Variants in ZNF528 observed in about 807,000 individuals in gnomAD.
ZNF528 encodes zinc finger protein 528.
Under a neutral mutation model 13.3 loss-of-function variants are expected in ZNF528, and 9 were observed. The ratio of observed to expected loss-of-function variants is 0.67; its 90% confidence interval spans 0.41 to 1.18. ZNF528 has a LOEUF of 1.18. ZNF528 is among the 50% of genes most tolerant of loss of function. The pLI is 0.01. For missense variants in ZNF528, 858 were observed against 745.4 expected, an observed-to-expected ratio of 1.15 and a Z score of -1.76; for synonymous variants, 264 against 254.3, an observed-to-expected ratio of 1.04 and a Z score of -0.36.
At position 52,416,005 on chromosome 19, in the gene ZNF528, G is replaced by C. The variant is rs1374125584; in HGVS notation, c.1153G>C (p.Glu385Gln). 1.2e-6 allele frequency: 2 copies of C among 1,613,976 alleles called. No homozygotes were observed. Among genetic ancestry groups the C allele is most frequent in the African/African-American group, 1.3e-5 (1 of 74,916 alleles). Residue 385 changes from glutamate to glutamine, a missense_variant, in exon 7 of 7, where the codon GAA becomes CAA. Transcript: ENST00000360465. The stretch of plus-strand genomic sequence containing the variant: ...TGGAAGGAAACCTTACAAATGTAAA[G>C]AATGTGACAAGGTCTTTGGGCGCAA... Reference protein sequence around the residue: ...HTGRKPYKCKECDKVFGRKCF... With the variant: ...HTGRKPYKCKQCDKVFGRKCF...
At chr19:52,402,867 A>T (rs1464430185) in intron 4 of ZNF528, among the ~76,000 whole-genome samples, 1 of 152,228 alleles carries the variant, frequency 6.6e-6, no homozygotes, top group African/African-American at 2.4e-5. Context: ...ATTTTAATGG[A>T]CGAAGCTTCA....
chr19:52,411,858 T>C (rs1431664908), intron 6 of ZNF528: 1 of 152,224 alleles, frequency 6.6e-6, no homozygotes, highest in Non-Finnish European at 1.5e-5. Flanking sequence ...CTCCACCCCA[T>C]AAATTGATGG....
chr19:52,415,409 A>G lies in ZNF528; in HGVS notation c.557A>G (p.Tyr186Cys). ...EQKAHIREKAYKCNEHGQVFR... is the reference protein window; with the variant it reads ...EQKAHIREKACKCNEHGQVFR... ...AAAGCACACATTAGGGAAAAAGCTT[A>G]TAAATGTAATGAGCACGGCCAAGTC... Residue 186 changes from tyrosine to cysteine, a missense_variant, in exon 7 of 7, where the codon TAT (tyrosine) becomes TGT (cysteine). Physicochemically the swap from Tyr to Cys is radical, Grantham distance 194. Coordinates refer to ENST00000360465, the MANE Select transcript of ZNF528 (RefSeq NM_032423.3). 6.2e-7 allele frequency: 1 copy of G among 1,614,228 alleles called. No homozygotes were observed. The highest frequency in any genetic ancestry group is 8.5e-7 in the Non-Finnish European group (1 of 1,180,048).
At position 52,401,765 on chromosome 19, in the gene ZNF528, A is replaced by C. The variant is rs746418962; in HGVS notation, c.-68+12A>C. ...ACTCAACAGACGAGGTACCTTAACC[A>C]CATAATGGTTGATTTCCAAAATTAT... On this transcript the variant is annotated intron_variant, in intron 3 of 6. Transcript: ENST00000360465. 1 of 1,488,854 alleles carries C rather than the reference A, an allele frequency of 6.7e-7. No individual in the cohort carries two copies. The highest frequency in any genetic ancestry group is 8.9e-7 in the Non-Finnish European group (1 of 1,118,408). The allele number at this position is 1,488,854 out of a possible 1,614,324, so 92.2% of individuals were successfully genotyped here. A position where few individuals can be genotyped will look rare whatever the true frequency, so the allele number is the denominator to read the frequency against.
At chr19:52,400,674 T>A (rs1354640730) in intron 2 of ZNF528, among the ~76,000 whole-genome samples, 1 of 152,092 alleles carries the variant, frequency 6.6e-6, no homozygotes, top group African/African-American at 2.4e-5. Flanking sequence ...GGCCTGTCCC[T>A]CTGCGTGGCT....
At chr19:52,412,874 A>G (rs531760129) in intron 6 of ZNF528, 1 of 152,330 alleles carries the variant, frequency 6.6e-6, no homozygotes, top group East Asian at 1.9e-4. Context: ...TGCTTCAGCT[A>G]TCATTGAAGA....
At chr19:52,403,805 A>G (rs1042023740) in intron 4 of ZNF528, among the ~76,000 whole-genome samples, 1 of 151,948 alleles carries the variant, frequency 6.6e-6, no homozygotes, top group Non-Finnish European at 1.5e-5. Context: ...AGTGGTTTTT[A>G]TGAATGGCAT....
At chr19:52,414,350 A>G in intron 6 of ZNF528, 1 of 702,216 alleles carries the variant, frequency 1.4e-6, no homozygotes, top group Non-Finnish European at 2.6e-6. Flanking sequence ...GGGGGCGAAC[A>G]TTGGAATAAA....
rs565652966 is a variant in ZNF528 at position 52,417,328 on chromosome 19, T to C, written c.*589T>C. On this transcript the variant is annotated 3_prime_UTR_variant, in exon 7 of 7. Transcript: ENST00000360465. ...GGACATTGCCTTTTGAGATTAAATATTGTCTGATTTAGAGAGCATGGAGGT... is the reference window on the plus strand; with the variant it reads ...GGACATTGCCTTTTGAGATTAAATACTGTCTGATTTAGAGAGCATGGAGGT... The C allele has an allele frequency of 1.4e-4, 32 of 232,056 alleles. No individual in the cohort carries two copies. In the South Asian group the frequency reaches 1.6e-3, roughly 12 times the overall value. The allele number at this position is 232,056 out of a possible 1,614,324, so 14.4% of individuals were successfully genotyped here.
At chr19:52,402,483 A>T (rs324090) in intron 4 of ZNF528, 475 of 170,238 alleles carry the variant, frequency 2.8e-3, no homozygotes, top group African/African-American at 9.7e-3. Context: ...GCTCATTGCA[A>T]CCTCCGCCTC....
chr19:52,402,944 T>G (rs899813556), intron 4 of ZNF528, among the ~76,000 whole-genome samples: 1 of 152,176 alleles, frequency 6.6e-6, no homozygotes, highest in Non-Finnish European at 1.5e-5. Context: ...GGTGGGAGGA[T>G]CCATTCAGCC....
At chr19:52,413,996 T>C (rs1017940961) in intron 6 of ZNF528, 6 of 518,092 alleles carry the variant, frequency 1.2e-5, no homozygotes, top group African/African-American at 5.8e-5. Context: ...AGTTCCAGGC[T>C]GTCTCAATAG....
At chr19:52,414,538 A>G (rs1037578751) in intron 6 of ZNF528, 6 of 543,456 alleles carry the variant, frequency 1.1e-5, no homozygotes, top group African/African-American at 9.5e-5. Context: ...TCTTTGAACA[A>G]TAGACTGTAG....
At chr19:52,401,484 G>A (rs1455796491) in intron 2 of ZNF528, among the ~76,000 whole-genome samples, 4 of 152,140 alleles carry the variant, frequency 2.6e-5, no homozygotes, top group African/African-American at 9.7e-5. Context: ...GCTCAGCCCT[G>A]CCTGATCTGC....
At chr19:52,402,437 A>ACGTT in intron 4 of ZNF528, 1 of 224,620 alleles carries the variant, frequency 4.5e-6, no homozygotes, top group Non-Finnish European at 8.8e-6. Context: ...AGAGTCTCAC[A>ACGTT]CGTTGCCCAG....
rs767967731 is a variant in ZNF528 at position 52,416,379 on chromosome 19, A to G, written c.1527A>G (p.Val509=). 6 of 1,613,934 alleles carry G rather than the reference A, an allele frequency of 3.7e-6. No individual in the cohort carries two copies. In the Admixed American group the frequency reaches 6.7e-5, roughly 18 times the overall value. ...TCTTCAGTCGCAGTTCAAACCTGGT[A>G]TGCCATCAGAAAATTCATACAGGAG... is the stretch of plus-strand genomic sequence containing the variant. ...GKVFSRSSNL[V]CHQKIHTGEK... is the part of the protein sequence containing the mutation. The change falls in exon 7 of 7, where the codon GTA becomes GTG. Residue 509 remains valine (V), a synonymous_variant. Coordinates refer to ENST00000360465, the MANE Select transcript of ZNF528 (RefSeq NM_032423.3).
In ZNF528 at chr19:52,398,465, C is replaced by G. The variant is rs1468819627; in HGVS notation, c.-291C>G. On this transcript the variant is annotated 5_prime_UTR_variant, in exon 2 of 7. Coordinates refer to ENST00000360465, the MANE Select transcript of ZNF528 (RefSeq NM_032423.3). ...TTCTCTCGAGCCAGTTTCCAGCCCA[C>G]AGAAAATGAGCTCTTCCGGAAGTGG... 24 of 601,670 alleles carry G rather than the reference C, an allele frequency of 4.0e-5. No individual in the cohort carries two copies. Among genetic ancestry groups the G allele is most frequent in the Non-Finnish European group, 5.0e-5 (24 of 479,048 alleles). 37.3% of individuals were successfully genotyped at this position (601,670 alleles called of 1,614,324 possible).
Position 52,416,988 on chromosome 19 carries a change from ACTCTGT to A in ZNF528, c.*255_*260del, listed in dbSNP as rs960986440. 15 of 461,398 alleles carry A rather than the reference ACTCTGT, an allele frequency of 3.3e-5. No individual in the cohort carries two copies. The highest frequency in any genetic ancestry group is 2.7e-4 in the African/African-American group (14 of 51,974). 28.6% of individuals were successfully genotyped at this position (461,398 alleles called of 1,614,324 possible). ...CACGATAGGATTTACACAAGAAGTA[ACTCTGT>A]CTCTGGTTCTCTGATACTAATCTAT... On this transcript the variant is annotated 3_prime_UTR_variant, in exon 7 of 7. Coordinates refer to ENST00000360465, the MANE Select transcript of ZNF528 (RefSeq NM_032423.3).
In ZNF528 at chr19:52,417,126, A is replaced by T. The variant is rs113976054; in HGVS notation, c.*387A>T. The T allele has an allele frequency of 7.5e-3, 1,835 of 243,378 alleles. 32 individuals carry two copies. The highest frequency in any genetic ancestry group is 0.039 in the African/African-American group (1,705 of 43,880). The allele number at this position is 243,378 out of a possible 1,614,324, so 15.1% of individuals were successfully genotyped here. A position where few individuals can be genotyped will look rare whatever the true frequency, so the allele number is the denominator to read the frequency against. ...GTAAATGACCAGTTTTATTCAGGCTATAAAGCATTCAATTATTTGGGGCTT... is the reference window on the plus strand; with the variant it reads ...GTAAATGACCAGTTTTATTCAGGCTTTAAAGCATTCAATTATTTGGGGCTT... On this transcript the variant is annotated 3_prime_UTR_variant, in exon 7 of 7. Coordinates refer to ENST00000360465, the MANE Select transcript of ZNF528 (RefSeq NM_032423.3).
Sources: gnomAD v4.1 joint callset for allele counts (sites outside exome capture counted in the v4.1 genomes callset) on GRCh38, gnomAD v4.1.1 for gene constraint, MANE v1.5 for transcripts, NCBI Gene and HGNC (gene_info 2026-07-23, HGNC 2026-07-21) for gene names.